Variants in EBF2 observed in about 807,000 individuals in gnomAD.
EBF2 encodes the protein transcription factor COE2.
In EBF2, 21 loss-of-function variants were observed where a neutral mutation model predicts 72.8. The ratio of observed to expected loss-of-function variants is 0.29; its 90% CI spans 0.20 to 0.42. The LOEUF (loss-of-function observed/expected upper bound fraction) is 0.42. Ranked by LOEUF, EBF2 falls within the 10% of genes least tolerant of loss-of-function variation. EBF2 has a pLI of 1.00. For synonymous variants in EBF2, 299 were observed against 274.2 expected (o/e 1.09, Z -0.89); for missense variants, 637 against 731.2 (o/e 0.87, Z 1.49).
chr8:25,919,313 G>A (rs1170051211), intron 6 of EBF2, among the ~76,000 whole-genome samples: 2 of 152,174 alleles, frequency 1.3e-5, no homozygotes, highest in Non-Finnish European at 2.9e-5. Flanking sequence ...GGTCATGCAA[G>A]TTGAGGAAGA....
At chr8:25,859,242 A>G (rs1464853404) in intron 13 of EBF2, among the ~76,000 whole-genome samples, 1 of 152,222 alleles carries the variant, frequency 6.6e-6, no homozygotes, top group East Asian at 1.9e-4. Flanking sequence ...TAGAGAATAA[A>G]TAAACTGGTT....
intron 6 of EBF2, among the ~76,000 whole-genome samples, chr8:25,979,168 T>C (rs1242160194): frequency 5.3e-5 from 8 of 152,326 alleles, no homozygotes; most frequent in South Asian, 4.1e-4. Context: ...AGTTGCTGTG[T>C]GTCCCGCAGA....
chr8:25,867,061 CAT>C (rs1221210551), intron 10 of EBF2, among the ~76,000 whole-genome samples: 1 of 152,122 alleles, frequency 6.6e-6, no homozygotes. Flanking sequence ...ACCAGATTAA[CAT>C]TTCCTTAACA....
intron 6 of EBF2, among the ~76,000 whole-genome samples, chr8:25,969,593 G>A (rs982189141): frequency 2.0e-5 from 3 of 152,308 alleles, no homozygotes; most frequent in African/African-American, 4.8e-5. Flanking sequence ...CAATGAGAGC[G>A]TGTTTACTTC....
intron 6 of EBF2, among the ~76,000 whole-genome samples, chr8:25,923,049 G>C (rs758485049): frequency 6.6e-6 from 1 of 152,156 alleles, no homozygotes; most frequent in Non-Finnish European, 1.5e-5. Flanking sequence ...AGCCTGTTCT[G>C]CTTTCTCAGG....
chr8:25,883,154 T>G (rs1802630679), intron 10 of EBF2, among the ~76,000 whole-genome samples: 1 of 152,254 alleles, frequency 6.6e-6, no homozygotes, highest in African/African-American at 2.4e-5. Flanking sequence ...TGAATTTACA[T>G]GTAACATAAC....
intron 6 of EBF2, among the ~76,000 whole-genome samples, chr8:26,029,174 T>C (rs1221668419): frequency 2.6e-5 from 4 of 152,174 alleles, no homozygotes; most frequent in Non-Finnish European, 4.4e-5. Context: ...CACAAAGTAG[T>C]GAAAGCGATT....
At chr8:25,954,367 C>T (rs1208282437) in intron 6 of EBF2, among the ~76,000 whole-genome samples, 3 of 152,296 alleles carry the variant, frequency 2.0e-5, no homozygotes, top group East Asian at 1.9e-4. Flanking sequence ...GGCACCTTGC[C>T]GCTCTGCTCA....
At chr8:25,853,799 G>A (rs1013436702) in intron 14 of EBF2, among the ~76,000 whole-genome samples, 3 of 151,722 alleles carry the variant, frequency 2.0e-5, no homozygotes, top group South Asian at 2.1e-4. Context: ...TAAAACTAAC[G>A]TTGTAGAATA....
At chr8:26,005,517 A>T (rs55881867) in intron 6 of EBF2, among the ~76,000 whole-genome samples, 3 of 57,502 alleles carry the variant, frequency 5.2e-5, no homozygotes, top group East Asian at 5.4e-4. Flanking sequence ...ATATATTATA[A>T]AATATATTAT....
chr8:25,955,986 G>A (rs1803937373), intron 6 of EBF2, among the ~76,000 whole-genome samples: 1 of 151,874 alleles, frequency 6.6e-6, no homozygotes, highest in Non-Finnish European at 1.5e-5. Context: ...GGGCAATGGA[G>A]CAAGACCCCA....
chr8:25,983,422 TTTTTG>T (rs1294953050), intron 6 of EBF2, among the ~76,000 whole-genome samples: 4 of 152,214 alleles, frequency 2.6e-5, no homozygotes, highest in South Asian at 2.1e-4. Flanking sequence ...GTTCCAGACT[TTTTTG>T]TTTTGTTATT....
At chr8:25,909,653 T>C (rs892047485) in intron 6 of EBF2, among the ~76,000 whole-genome samples, 4 of 152,196 alleles carry the variant, frequency 2.6e-5, no homozygotes, top group African/African-American at 9.7e-5. Flanking sequence ...GTTGGTGAAA[T>C]GTTCTCATTG....
At chr8:25,935,185 A>T (rs1409231715) in intron 6 of EBF2, among the ~76,000 whole-genome samples, 2 of 151,568 alleles carry the variant, frequency 1.3e-5, no homozygotes, top group African/African-American at 2.4e-5. Flanking sequence ...AAAGCGATGG[A>T]GGGGGAAGTG....
At chr8:25,904,419 G>C (rs1554568200) in intron 7 of EBF2, among the ~76,000 whole-genome samples, 1 of 151,568 alleles carries the variant, frequency 6.6e-6, no homozygotes, top group Non-Finnish European at 1.5e-5. Context: ...AAGAATCCAG[G>C]TTCCACCAGT....
At chr8:26,007,427 T>C (rs773248297) in intron 6 of EBF2, among the ~76,000 whole-genome samples, 2 of 152,186 alleles carry the variant, frequency 1.3e-5, no homozygotes, top group Non-Finnish European at 2.9e-5. Flanking sequence ...CCTGCCAATA[T>C]TGTCATTTAC....
chr8:25,989,515 T>A (rs2117207973), intron 6 of EBF2, among the ~76,000 whole-genome samples: 1 of 152,348 alleles, frequency 6.6e-6, no homozygotes, highest in South Asian at 2.1e-4. Context: ...TAAATAAATA[T>A]CCATGTAAAC....
At chr8:26,006,678 G>A (rs751301135) in intron 6 of EBF2, among the ~76,000 whole-genome samples, 2 of 152,196 alleles carry the variant, frequency 1.3e-5, no homozygotes, top group Non-Finnish European at 2.9e-5. Flanking sequence ...GCAAAAATCA[G>A]AAGCCCACTA....
intron 6 of EBF2, among the ~76,000 whole-genome samples, chr8:25,952,411 G>T (rs1803878134): frequency 1.3e-5 from 2 of 151,896 alleles, no homozygotes; most frequent in African/African-American, 4.8e-5. Context: ...TATATAGTAT[G>T]CATTTTAAAT....
Sources: allele counts gnomAD v4.1 joint callset (sites outside exome capture counted in the v4.1 genomes callset), GRCh38; gene constraint gnomAD v4.1.1; transcripts MANE v1.5; gene names NCBI Gene and HGNC (gene_info 2026-07-23, HGNC 2026-07-21).